Variants in SHANK2 observed in about 807,000 individuals in gnomAD.
The protein encoded by SHANK2 is SH3 and multiple ankyrin repeat domains protein 2.
SHANK2 carries 43 observed loss-of-function variants against 133.7 expected under a neutral mutation model. That is an observed-to-expected ratio of 0.32 (90% CI 0.25 to 0.41). The LOEUF is 0.41. SHANK2 is among the 10% of genes least tolerant of loss of function. The pLI is 1.00. For synonymous variants in SHANK2, 1,017 were observed against 952.8 expected (o/e 1.07, Z -1.24); for missense variants, 1,994 against 2,235.8 (o/e 0.89, Z 2.18).
intron 3 of SHANK2, among the ~76,000 whole-genome samples, chr11:71,144,618 T>C (rs1375852212): frequency 2.0e-5 from 3 of 152,018 alleles, no homozygotes; most frequent in African/African-American, 4.8e-5. Context: ...GCAATGAGCT[T>C]AGTTTACCCC....
chr11:71,198,459 C>A (rs1302577780), intron 2 of SHANK2, among the ~76,000 whole-genome samples: 1 of 152,210 alleles, frequency 6.6e-6, no homozygotes, highest in Non-Finnish European at 1.5e-5. Flanking sequence ...CTAGCGGGGC[C>A]TCCAAGAAGG....
rs2058795794 is a variant in SHANK2, at chr11:70,485,890, A to G, written c.4403T>C (p.Leu1468Pro). The G allele has an allele frequency of 6.2e-7, 1 of 1,614,058 alleles. No individual in the cohort carries two copies. The highest frequency in any genetic ancestry group is 1.3e-5 in the African/African-American group (1 of 74,928). Residue 1468 changes from leucine to proline, a missense_variant, in exon 25 of 26, where the codon CTT becomes CCT. Around this residue, in one of 5 missense-constraint regions of SHANK2, gnomAD observed 797 missense variants for 907.4 expected, o/e 0.88. Coordinates refer to ENST00000601538, the MANE Select transcript of SHANK2 (RefSeq NM_012309.5). This position sits in a 1 kb window ranked among gnomAD's most constrained non-coding sequence, Gnocchi z 5.8. ...GAATGAGGCAGGCAGACAGTTTGAA[A>G]GACTGGCTGGCTTCTTGCTGTCTGC... ...NSADSKKPAS[L>P]SNCLPASFLP...
chr11:70,539,287 C>T (rs868971461), intron 17 of SHANK2, among the ~76,000 whole-genome samples: 31 of 152,332 alleles, frequency 2.0e-4, no homozygotes, highest in African/African-American at 4.8e-4. Flanking sequence ...GGTGCCCAAA[C>T]GCAGCTGGCA....
chr11:71,082,164 C>T (rs1590891076), intron 8 of SHANK2, among the ~76,000 whole-genome samples: 1 of 152,232 alleles, frequency 6.6e-6, no homozygotes, highest in Non-Finnish European at 1.5e-5. Context: ...CGTCCCCTGG[C>T]CAGAATGAGC....
chr11:70,685,229 C>T (rs1252023779), intron 15 of SHANK2, among the ~76,000 whole-genome samples: 2 of 152,138 alleles, frequency 1.3e-5, no homozygotes, highest in Non-Finnish European at 2.9e-5. Context: ...AGTCTGGGCC[C>T]CTCTCTTCCA....
chr11:71,220,488 C>T (rs1186472048), intron 2 of SHANK2, among the ~76,000 whole-genome samples: 1 of 152,156 alleles, frequency 6.6e-6, no homozygotes, highest in African/African-American at 2.4e-5. Context: ...CACCTATGTT[C>T]ACAGAACACT....
chr11:70,944,110 G>T (rs1342147222), intron 10 of SHANK2, among the ~76,000 whole-genome samples: 1 of 152,214 alleles, frequency 6.6e-6, no homozygotes, highest in East Asian at 1.9e-4. Flanking sequence ...TTTCCCTCGA[G>T]TATATAACAG....
intron 17 of SHANK2, among the ~76,000 whole-genome samples, chr11:70,555,966 T>C (rs1220270940): frequency 3.3e-5 from 5 of 152,172 alleles, no homozygotes; most frequent in South Asian, 2.1e-4. Flanking sequence ...GCAAGGGTGA[T>C]TCATGAGGTT....
chr11:71,224,341 C>T (rs1002846401), intron 2 of SHANK2, among the ~76,000 whole-genome samples: 5 of 151,772 alleles, frequency 3.3e-5, no homozygotes, highest in South Asian at 2.1e-4. Context: ...CATCACGAGG[C>T]GCACCCCCGT....
At chr11:70,918,721 G>A (rs1213838471) in intron 10 of SHANK2, among the ~76,000 whole-genome samples, 1 of 152,070 alleles carries the variant, frequency 6.6e-6, no homozygotes, top group Non-Finnish European at 1.5e-5. Flanking sequence ...GGCCAGACTG[G>A]TCTTGAACTC....
intron 14 of SHANK2, among the ~76,000 whole-genome samples, chr11:70,756,971 G>A (rs556409296): frequency 2.0e-5 from 3 of 152,250 alleles, no homozygotes; most frequent in East Asian, 3.9e-4. Context: ...AGGTCCTTGC[G>A]CCCCCGTCTG....
chr11:70,837,999 A>C (rs1163540427), intron 11 of SHANK2, among the ~76,000 whole-genome samples: 2 of 150,790 alleles, frequency 1.3e-5, no homozygotes, highest in Admixed American at 6.6e-5. Context: ...AAAAAAAAAA[A>C]AAGAAAAAAA....
At chr11:71,199,153 C>G (rs1953970828) in intron 2 of SHANK2, among the ~76,000 whole-genome samples, 1 of 152,192 alleles carries the variant, frequency 6.6e-6, no homozygotes, top group Non-Finnish European at 1.5e-5. Flanking sequence ...CTCACAGGAA[C>G]TGTAGGCCAG....
intron 11 of SHANK2, among the ~76,000 whole-genome samples, chr11:70,881,898 G>C (rs1949666353): frequency 6.6e-6 from 1 of 151,894 alleles, no homozygotes; most frequent in African/African-American, 2.4e-5. Flanking sequence ...TTTTTGTAGA[G>C]ATAGGGTCTT....
intron 9 of SHANK2, among the ~76,000 whole-genome samples, chr11:71,071,809 C>G (rs1035923181): frequency 6.6e-6 from 1 of 152,080 alleles, no homozygotes; most frequent in Non-Finnish European, 1.5e-5. Context: ...GATTCCACCC[C>G]GGAGGCCACC....
At chr11:70,548,708 C>T (rs1191743197) in intron 17 of SHANK2, among the ~76,000 whole-genome samples, 5 of 152,214 alleles carry the variant, frequency 3.3e-5, no homozygotes, top group Non-Finnish European at 7.3e-5. Flanking sequence ...AACCTATGTC[C>T]ATGTCCTAAC....
At chr11:71,172,029 T>G (rs529558069) in intron 2 of SHANK2, among the ~76,000 whole-genome samples, 2 of 152,296 alleles carry the variant, frequency 1.3e-5, no homozygotes, top group African/African-American at 4.8e-5. Flanking sequence ...GAATGTCCCC[T>G]TGGGCAGTCC....
intron 14 of SHANK2, among the ~76,000 whole-genome samples, chr11:70,769,230 C>T (rs897824780): frequency 1.3e-5 from 2 of 152,174 alleles, no homozygotes; most frequent in African/African-American, 4.8e-5. Flanking sequence ...AGCCCATCAT[C>T]AGGGCCCGTG....
In SHANK2 at chr11:70,779,009, GTTGCCATAGTAA is replaced by G. The variant is rs1947427048; in HGVS notation, c.1777+19422_1777+19433del. Among the ~76,000 whole-genome samples, 9 of 152,170 alleles carry G rather than the reference GTTGCCATAGTAA, an allele frequency of 5.9e-5. No homozygotes were observed. In the Middle Eastern group the frequency reaches 0.017, roughly 288 times the overall value. On this transcript the variant is annotated intron_variant, in intron 14 of 25. Transcript: ENST00000601538. Reference sequence around the variant, plus strand: ...CAGGGTTGGTACCCAGCATTACCAGGTTGCCATAGTAACCCAGAGCAGGCACCACCACTGCTG... The same window carrying G: ...CAGGGTTGGTACCCAGCATTACCAGGCCCAGAGCAGGCACCACCACTGCTG...
Sources: allele counts gnomAD v4.1 joint callset (sites outside exome capture counted in the v4.1 genomes callset), GRCh38; gene constraint gnomAD v4.1.1; regional missense constraint gnomAD v4.1.1; non-coding constraint Gnocchi (gnomAD v3.1); transcripts MANE v1.5; gene names NCBI Gene and HGNC (gene_info 2026-07-23, HGNC 2026-07-21).